The following FKBP11 variants were observed in gnomAD, a reference collection of about 807,000 sequenced individuals.
The protein encoded by FKBP11 is peptidyl-prolyl cis-trans isomerase FKBP11.
A neutral mutation model predicts 24.7 loss-of-function variants in FKBP11; 21 were observed. The observed-to-expected ratio is 0.85, with a 90% CI of 0.60 to 1.23. The LOEUF is 1.23. FKBP11 is among the 50% of genes most tolerant of loss of function. FKBP11 has a pLI of 0.00. For synonymous variants in FKBP11, 106 were observed against 100.6 expected, an observed-to-expected ratio of 1.05 and a Z score of -0.32; for missense variants, 245 against 248.7, an observed-to-expected ratio of 0.99 and a Z score of 0.10.
At chr12:48,929,854 A>G (rs888034192), upstream of FKBP11, among the ~76,000 whole-genome samples, 3 of 152,138 alleles carry the variant, frequency 2.0e-5, no homozygotes, top group Non-Finnish European at 2.9e-5. Context: ...GAACTCATAC[A>G]CTTCTTTTAC....
chr12:48,932,817 T>G, the FKBP11 span, among the ~76,000 whole-genome samples: 2 of 152,130 alleles, frequency 1.3e-5, no homozygotes, highest in Non-Finnish European at 2.9e-5. Flanking sequence ...AAGCCCATTC[T>G]CAAACCTGCT....
intron 5 of FKBP11, chr12:48,923,577 G>A (rs1184926817): frequency 2.6e-6 from 4 of 1,551,720 alleles, no homozygotes; most frequent in South Asian, 1.2e-5. Flanking sequence ...GGTCATGCCA[G>A]GTGGCCTCAT....
At chr12:48,934,012 T>C in the FKBP11 span, among the ~76,000 whole-genome samples, 2 of 152,260 alleles carry the variant, frequency 1.3e-5, no homozygotes, top group South Asian at 2.1e-4. Context: ...CACAGCATCC[T>C]AGAAATGGAT....
the FKBP11 span, among the ~76,000 whole-genome samples, chr12:48,934,920 G>T: frequency 4.7e-5 from 7 of 149,512 alleles, no homozygotes; most frequent in Non-Finnish European, 1.0e-4. Context: ...GCTGAAGCAG[G>T]AGAATTGCTT....
rs534872964 is a variant in FKBP11, at chr12:48,921,983, A to G, written c.*1T>C. The G allele has an allele frequency of 4.4e-6, 7 of 1,578,528 alleles. No individual in the cohort carries two copies. In the African/African-American group the frequency reaches 9.6e-5, roughly 22 times the overall value. On this transcript the variant is annotated 3_prime_UTR_variant, in exon 6 of 6. Coordinates refer to ENST00000550765, the MANE Select transcript of FKBP11 (RefSeq NM_016594.3). ...ATAAGTTTTTTAAAATTTATTATTT[A>G]TTATTTCTTTTTGCTCTTGTTTCGT...
At chr12:48,927,857 C>T (rs914093593), upstream of FKBP11, among the ~76,000 whole-genome samples, 1 of 152,018 alleles carries the variant, frequency 6.6e-6, no homozygotes, top group African/African-American at 2.4e-5. Flanking sequence ...GCAGAGCCAC[C>T]ATGCCAGCTC....
At chr12:48,935,552 G>C in the FKBP11 span, among the ~76,000 whole-genome samples, 3 of 152,144 alleles carry the variant, frequency 2.0e-5, no homozygotes, top group Non-Finnish European at 2.9e-5. Context: ...CAGAATAGTG[G>C]TGGGAGTGCG....
chr12:48,927,875 C>T (rs573484397), upstream of FKBP11, among the ~76,000 whole-genome samples: 128 of 152,090 alleles, frequency 8.4e-4, no homozygotes, highest in Non-Finnish European at 1.2e-3. Flanking sequence ...CTCTGGATTG[C>T]CTACCACCAG....
chr12:48,924,021 T>C, intron 4 of FKBP11, 169 bp from the exon 5 acceptor site: 1 of 869,118 alleles, frequency 1.2e-6, no homozygotes, highest in Non-Finnish European at 1.9e-6. Context: ...TCTCCCCATG[T>C]GCCTCAACTC....
Position 48,925,461 on chromosome 12 carries a change from G to C in FKBP11, c.-33C>G, listed in dbSNP as rs1251488674. 1.0e-5 allele frequency: 16 copies of C among 1,539,188 alleles called. No individual in the cohort carries two copies. Among genetic ancestry groups the C allele is most frequent in the African/African-American group, 8.2e-5 (6 of 73,132 alleles). On this transcript the variant is annotated 5_prime_UTR_variant, in exon 1 of 6. Transcript: ENST00000550765. Reference sequence around the variant, plus strand: ...CGCGGGGCAGGGAGCCGGGGCACCAGGACAGGCTGTTCGGGTGGCGGCAGC... The same window carrying C: ...CGCGGGGCAGGGAGCCGGGGCACCACGACAGGCTGTTCGGGTGGCGGCAGC...
At chr12:48,924,762 C>T (rs1939919490) in intron 2 of FKBP11, 114 bp from the exon 3 acceptor site, 1 of 1,532,610 alleles carries the variant, frequency 6.5e-7, no homozygotes, top group Non-Finnish European at 8.8e-7. Flanking sequence ...GGCAGCCTAG[C>T]GTTCCCCTTA....
At chr12:48,933,411 A>C in the FKBP11 span, among the ~76,000 whole-genome samples, 3 of 152,150 alleles carry the variant, frequency 2.0e-5, no homozygotes, top group Admixed American at 6.5e-5. Context: ...ACTGGAAAAG[A>C]AGCTTTTCTG....
rs764549828 is a variant in FKBP11, at chr12:48,923,847, TTC to T, written c.321_322del (p.Lys108AlafsTer29). 3.1e-6 allele frequency: 5 copies of T among 1,614,004 alleles called. No homozygotes were observed. In the African/African-American group the frequency reaches 5.3e-5, roughly 17 times the overall value. On this transcript the variant is annotated frameshift_variant, in exon 5 of 6. Transcript: ENST00000550765. LOFTEE classifies it high-confidence loss of function. Reference sequence around the variant, plus strand: ...GTGAGAAGGAATGATTGCCCTTCGCTTCTCTCTGAGGGAAGGAATGTCAGTCA... The same window carrying T: ...GTGAGAAGGAATGATTGCCCTTCGCTTCTCTGAGGGAAGGAATGTCAGTCA...
the FKBP11 span, among the ~76,000 whole-genome samples, chr12:48,932,193 C>A: frequency 7.2e-5 from 7 of 97,802 alleles, no homozygotes; most frequent in South Asian, 3.1e-4. Flanking sequence ...ATAATATAAA[C>A]ATATAATTGT....
chr12:48,928,043 C>CTTAT, upstream of FKBP11, among the ~76,000 whole-genome samples: 1 of 88,468 alleles, frequency 1.1e-5, no homozygotes, highest in African/African-American at 4.5e-5. Flanking sequence ...TGCCAGATAC[C>CTTAT]TTTTTTTTTT....
rs757091718 is a variant in FKBP11 at position 48,924,651 on chromosome 12, G to T, written c.196-3C>A. On this transcript the variant is annotated splice_region_variant and splice_polypyrimidine_tract_variant and intron_variant, in intron 2 of 5. Coordinates refer to ENST00000550765, the MANE Select transcript of FKBP11 (RefSeq NM_016594.3). ...ATACGTCCATCTACCAAGCTTCCCT[G>T]GGGGGAGAGAGCATCAAGAGCATAC... 7 of 1,612,840 alleles carry T rather than the reference G, an allele frequency of 4.3e-6. No individual in the cohort carries two copies. The highest frequency in any genetic ancestry group is 1.3e-5 in the African/African-American group (1 of 74,842).
upstream of FKBP11, among the ~76,000 whole-genome samples, chr12:48,927,354 A>G (rs964250031): frequency 6.6e-6 from 1 of 152,218 alleles, no homozygotes; most frequent in Non-Finnish European, 1.5e-5. Context: ...GTTTAAAAAA[A>G]AAAAGTCCCC....
chr12:48,933,430 G>A, the FKBP11 span, among the ~76,000 whole-genome samples: 5 of 152,246 alleles, frequency 3.3e-5, no homozygotes, highest in East Asian at 5.8e-4. Flanking sequence ...TGCCAGGCAC[G>A]GTGGCTCATG....
chr12:48,936,722 G>A, the FKBP11 span: 2 of 152,328 alleles, frequency 1.3e-5, no homozygotes, highest in African/African-American at 2.4e-5. Flanking sequence ...ACTAGAGAAA[G>A]TCAGGGAATG....
Sources: allele counts gnomAD v4.1 joint callset (sites outside exome capture counted in the v4.1 genomes callset), GRCh38; gene constraint gnomAD v4.1.1; transcripts MANE v1.5; gene names NCBI Gene and HGNC (gene_info 2026-07-23, HGNC 2026-07-21).